DOCK10: variants seen among roughly 807,000 people sequenced by gnomAD.
DOCK10 encodes the protein dedicator of cytokinesis protein 10.
A neutral mutation model predicts 280.1 loss-of-function variants in DOCK10; 145 were observed. The ratio of observed to expected loss-of-function variants is 0.52; its 90% CI spans 0.45 to 0.59. The LOEUF (loss-of-function observed/expected upper bound fraction) is 0.59. Among genes scored for constraint, DOCK10 ranks in the 20% least tolerant of loss-of-function variants. The pLI is 0.00. For synonymous variants in DOCK10, 915 were observed against 942.2 expected, an observed-to-expected ratio of 0.97 and a Z score of 0.53; for missense variants, 2,368 against 2,651.7, an observed-to-expected ratio of 0.89 and a Z score of 2.35.
At chr2:224,804,926 T>C in intron 37 of DOCK10, 85 bp from the exon 38 acceptor site, 1 of 1,261,142 alleles carries the variant, frequency 7.9e-7, no homozygotes, top group Non-Finnish European at 1.1e-6. Context: ...GAAAGAAAAA[T>C]ATTAAATTTT....
intron 28 of DOCK10, among the ~76,000 whole-genome samples, chr2:224,821,693 A>G (rs1335679071): frequency 6.6e-6 from 1 of 152,146 alleles, no homozygotes; most frequent in African/African-American, 2.4e-5. Flanking sequence ...TTTGCAGTTT[A>G]GGGAAGAATA....
chr2:224,975,611 G>C lies in DOCK10; in HGVS notation c.124-43943C>G, dbSNP rs78210930. ...AGAATATTTACTATAGGGATAAGAA[G>C]AGAGTCAATTTATTTCCTTTGGAGT... is the stretch of plus-strand genomic sequence containing the variant. On this transcript the variant is annotated intron_variant, in intron 1 of 55. Transcript: ENST00000258390. Among the ~76,000 whole-genome samples the C allele has an allele frequency of 7.5e-3, 1,141 of 152,320 alleles. 11 individuals are homozygous for C. The highest frequency in any genetic ancestry group is 0.01 in the Non-Finnish European group (702 of 68,002).
At chr2:224,888,298 C>T (rs1027185758) in intron 4 of DOCK10, among the ~76,000 whole-genome samples, 74 of 146,978 alleles carry the variant, frequency 5.0e-4, no homozygotes, top group African/African-American at 1.2e-3. Context: ...ACACTTAGGA[C>T]GTTTCCATAT....
chr2:224,982,183 G>A, intron 1 of DOCK10: 10 of 1,229,388 alleles, frequency 8.1e-6, no homozygotes, highest in Non-Finnish European at 1.0e-5. Flanking sequence ...ATCCACTGAG[G>A]CTGCTTTACC....
At chr2:225,031,267 T>C (rs281544) in intron 1 of DOCK10, among the ~76,000 whole-genome samples, 77,489 of 151,624 alleles carry the variant, frequency 0.51, 20,601 homozygotes, top group South Asian at 0.69. Flanking sequence ...AGCCTCCCAT[T>C]TCCATACTGT....
chr2:225,029,857 T>C (rs1690028327), intron 1 of DOCK10, among the ~76,000 whole-genome samples: 1 of 152,020 alleles, frequency 6.6e-6, no homozygotes, highest in Admixed American at 6.6e-5. Flanking sequence ...AAAATACAGA[T>C]GTAAGGCCAG....
chr2:224,971,415 T>C (rs973850155), intron 1 of DOCK10, among the ~76,000 whole-genome samples: 1 of 151,892 alleles, frequency 6.6e-6, no homozygotes, highest in Non-Finnish European at 1.5e-5. Flanking sequence ...ATGGGCGCGG[T>C]TGCACTGTAG....
intron 14 of DOCK10, chr2:224,862,449 G>T (rs1217773110): frequency 4.1e-6 from 2 of 487,228 alleles, no homozygotes. Context: ...CAGGGTACAT[G>T]TGTCACGGCC....
At chr2:224,908,092 C>T (rs1421127651) in intron 3 of DOCK10, among the ~76,000 whole-genome samples, 1 of 148,058 alleles carries the variant, frequency 6.8e-6, no homozygotes, top group Non-Finnish European at 1.5e-5. Context: ...CACTTAGGAA[C>T]ATCGTGCAGA....
chr2:224,838,659 A>T (rs1695746561), intron 24 of DOCK10, among the ~76,000 whole-genome samples: 1 of 152,244 alleles, frequency 6.6e-6, no homozygotes, highest in Non-Finnish European at 1.5e-5. Context: ...GAAAGAGGTC[A>T]GTAATATGCC....
chr2:224,823,558 G>C lies in DOCK10; in HGVS notation c.3126C>G (p.Tyr1042Ter). 6.2e-7 allele frequency: 1 copy of C among 1,609,356 alleles called. No individual in the cohort carries two copies. The highest frequency in any genetic ancestry group is 8.5e-7 in the Non-Finnish European group (1 of 1,178,632). Reference sequence around the variant, plus strand: ...TTCTTGTTTCTTCAAGTGCATCCTTGTATTTCCAAATCACATGGTCGGATA... The same window carrying C: ...TTCTTGTTTCTTCAAGTGCATCCTTCTATTTCCAAATCACATGGTCGGATA... ...MVLSDHVIWK[Y>*]KDALEETRRA... The change falls in exon 28 of 56, where the codon TAC becomes TAG. Residue 1042 changes from tyrosine (Y) to a stop codon, truncating the protein, a stop_gained. Coordinates refer to ENST00000258390, the MANE Select transcript of DOCK10 (RefSeq NM_014689.3). LOFTEE classifies it high-confidence loss of function.
intron 3 of DOCK10, among the ~76,000 whole-genome samples, chr2:224,907,159 A>G (rs79101442): frequency 0.011 from 1,700 of 152,316 alleles, 30 homozygotes; most frequent in African/African-American, 0.038. Flanking sequence ...GGCTAATCTG[A>G]TAATTAGGTA....
At position 224,912,386 on chromosome 2, in the gene DOCK10, C is replaced by T. The variant is rs544981779; in HGVS notation, c.333+4309G>A. On this transcript the variant is annotated intron_variant, in intron 3 of 55. Coordinates refer to ENST00000258390, the MANE Select transcript of DOCK10 (RefSeq NM_014689.3). ...CTGAGCTCAGGTGATCCACCCGCCT[C>T]GGCTTCCCAAGGTGCTGGGATTACA... is the stretch of plus-strand genomic sequence containing the variant. Among the ~76,000 whole-genome samples the T allele has an allele frequency of 2.0e-4, 30 of 152,228 alleles. 1 individual carries two copies. The South Asian group carries it at 4.6e-3, about 23-fold the overall frequency.
At chr2:224,982,539 T>C in intron 1 of DOCK10, 10 of 1,219,404 alleles carry the variant, frequency 8.2e-6, no homozygotes, top group Non-Finnish European at 1.0e-5. Flanking sequence ...GATGCAGAGA[T>C]GGGAAAGATT....
At chr2:224,992,918 T>C (rs915491711) in intron 1 of DOCK10, among the ~76,000 whole-genome samples, 1 of 152,194 alleles carries the variant, frequency 6.6e-6, no homozygotes, top group Non-Finnish European at 1.5e-5. Context: ...TGGCTGGACT[T>C]TAAGGTAGAG....
At chr2:224,811,192 TG>T (rs1326899179) in intron 31 of DOCK10, among the ~76,000 whole-genome samples, 2 of 152,248 alleles carry the variant, frequency 1.3e-5, no homozygotes, top group African/African-American at 4.8e-5. Context: ...TGGTGTGAGA[TG>T]ATATCTCATT....
Position 225,024,693 on chromosome 2 carries a change from C to G in DOCK10, c.123+17559G>C, listed in dbSNP as rs192653963. Reference sequence around the variant, plus strand: ...TGCCAGGAGTTTGAGACCAGCCTGGCCAACATGGCAAAACCCCATTTCTAC... The same window carrying G: ...TGCCAGGAGTTTGAGACCAGCCTGGGCAACATGGCAAAACCCCATTTCTAC... On this transcript the variant is annotated intron_variant, in intron 1 of 55. Transcript: ENST00000258390. Among the ~76,000 whole-genome samples, 66 of 150,652 alleles carry G rather than the reference C, an allele frequency of 4.4e-4. No homozygotes were observed. The East Asian group carries it at 0.012, about 27-fold the overall frequency.
At chr2:224,981,987 C>T (rs1178017397) in intron 1 of DOCK10, among the ~76,000 whole-genome samples, 1 of 152,056 alleles carries the variant, frequency 6.6e-6, no homozygotes, top group Non-Finnish European at 1.5e-5. Context: ...TCTGGTAGAC[C>T]GAGAAGCTGT....
chr2:224,932,804 A>C (rs1702469690), intron 1 of DOCK10, among the ~76,000 whole-genome samples: 1 of 152,202 alleles, frequency 6.6e-6, no homozygotes, highest in African/African-American at 2.4e-5. Context: ...TCTTTGGAAG[A>C]TCTCTTCTGA....
Sources: gnomAD v4.1 joint callset for allele counts (sites outside exome capture counted in the v4.1 genomes callset) on GRCh38, gnomAD v4.1.1 for gene constraint, MANE v1.5 for transcripts, NCBI Gene and HGNC (gene_info 2026-07-23, HGNC 2026-07-21) for gene names.